ZRANB3: variants seen among roughly 807,000 people sequenced by gnomAD.
ZRANB3 encodes zinc finger RANBP2-type containing 3.
A neutral mutation model predicts 133.8 loss-of-function variants in ZRANB3; 125 were observed. The observed-to-expected ratio is 0.93, with a 90% CI of 0.81 to 1.08. The LOEUF is 1.08. ZRANB3 is among the 50% of genes least tolerant of loss of function. The pLI, the probability that ZRANB3 is intolerant of heterozygous loss-of-function variation, is 0.00. For missense variants in ZRANB3, 1,229 were observed against 1,275.5 expected (o/e 0.96, Z 0.56); for synonymous variants, 387 against 432.7 (o/e 0.89, Z 1.31).
chr2:135,475,701 G>T (rs1018329616), intron 2 of ZRANB3, among the ~76,000 whole-genome samples: 1 of 152,120 alleles, frequency 6.6e-6, no homozygotes, highest in Non-Finnish European at 1.5e-5. Flanking sequence ...TTATTTTGGG[G>T]ATTCACAAAA....
chr2:135,429,467 T>G (rs1318120957), intron 2 of ZRANB3, among the ~76,000 whole-genome samples: 1 of 152,102 alleles, frequency 6.6e-6, no homozygotes, highest in Non-Finnish European at 1.5e-5. Flanking sequence ...CATACCCCCA[T>G]GGCACACAAT....
intron 12 of ZRANB3, among the ~76,000 whole-genome samples, chr2:135,259,444 C>T (rs965622069): frequency 6.6e-6 from 1 of 151,324 alleles, no homozygotes; most frequent in Middle Eastern, 3.5e-3. Context: ...GATGGAGTTT[C>T]GCTGTTGTTG....
chr2:135,234,458 T>C (rs1185951965), intron 12 of ZRANB3, among the ~76,000 whole-genome samples: 2 of 152,136 alleles, frequency 1.3e-5, no homozygotes, highest in Admixed American at 6.5e-5. Flanking sequence ...CAGACATCTA[T>C]AGAACTCTCC....
At chr2:135,344,728 G>A (rs1230898780) in intron 6 of ZRANB3, among the ~76,000 whole-genome samples, 6 of 152,056 alleles carry the variant, frequency 3.9e-5, no homozygotes, top group Non-Finnish European at 5.9e-5. Context: ...GTAACGGAGC[G>A]AGACTCCGTC....
At chr2:135,403,980 G>A (rs1310620743) in intron 2 of ZRANB3, among the ~76,000 whole-genome samples, 1 of 152,146 alleles carries the variant, frequency 6.6e-6, no homozygotes, top group Non-Finnish European at 1.5e-5. Flanking sequence ...ACCAAAGGTA[G>A]ATAAAACCAC....
chr2:135,521,901 C>T (rs1210884266), intron 1 of ZRANB3, among the ~76,000 whole-genome samples: 1 of 152,076 alleles, frequency 6.6e-6, no homozygotes, highest in African/African-American at 2.4e-5. Context: ...AAGACAGTTT[C>T]TGGGTGCCAG....
chr2:135,457,072 C>T (rs747631500), intron 2 of ZRANB3, among the ~76,000 whole-genome samples: 7 of 152,184 alleles, frequency 4.6e-5, no homozygotes, highest in African/African-American at 1.2e-4. Context: ...CGCCATCATA[C>T]AATAAGTGGC....
chr2:135,322,971 C>G (rs947046387), intron 6 of ZRANB3, among the ~76,000 whole-genome samples: 33 of 151,710 alleles, frequency 2.2e-4, no homozygotes, highest in Admixed American at 2.1e-3. Context: ...GAGCCAAGAT[C>G]GTGCCACTGC....
intron 6 of ZRANB3, among the ~76,000 whole-genome samples, chr2:135,318,792 T>TA (rs547408618): frequency 2.8e-4 from 42 of 149,740 alleles, no homozygotes; most frequent in Non-Finnish European, 4.6e-4. Flanking sequence ...AAAAGAATCT[T>TA]AAAAAAAAAA....
chr2:135,300,649 C>G (rs1338030332), intron 8 of ZRANB3, among the ~76,000 whole-genome samples: 1 of 152,130 alleles, frequency 6.6e-6, no homozygotes, highest in Non-Finnish European at 1.5e-5. Context: ...CCTTTTCCCT[C>G]CCTTCCACAT....
intron 8 of ZRANB3, among the ~76,000 whole-genome samples, chr2:135,310,977 GA>G (rs1467021074): frequency 4.0e-5 from 6 of 149,930 alleles, no homozygotes; most frequent in Admixed American, 2.7e-4. Flanking sequence ...AAAAAAGGAA[GA>G]AAAAAATTGA....
chr2:135,316,090 AAAAG>A (rs1683239202), intron 6 of ZRANB3, among the ~76,000 whole-genome samples: 3 of 152,228 alleles, frequency 2.0e-5, no homozygotes, highest in Admixed American at 2.0e-4. Context: ...GGGATAAAAT[AAAAG>A]AACACAAAAT....
intron 2 of ZRANB3, among the ~76,000 whole-genome samples, chr2:135,460,799 T>C (rs1690729843): frequency 6.6e-6 from 1 of 152,140 alleles, no homozygotes; most frequent in Non-Finnish European, 1.5e-5. Context: ...AGAAATTAAA[T>C]CAAGTATTCT....
At chr2:135,474,944 A>G (rs146098486) in intron 2 of ZRANB3, among the ~76,000 whole-genome samples, 11 of 152,276 alleles carry the variant, frequency 7.2e-5, no homozygotes, top group Admixed American at 7.2e-4. Flanking sequence ...CATTACCTTA[A>G]TCCAAAAACA....
intron 1 of ZRANB3, among the ~76,000 whole-genome samples, chr2:135,530,319 C>T (rs1410833698): frequency 6.6e-6 from 1 of 152,022 alleles, no homozygotes; most frequent in Non-Finnish European, 1.5e-5. Context: ...GTACTTTCTA[C>T]AAATTTAGCC....
intron 2 of ZRANB3, among the ~76,000 whole-genome samples, chr2:135,460,271 T>A (rs1337126873): frequency 3.3e-5 from 5 of 152,104 alleles, no homozygotes; most frequent in Non-Finnish European, 7.4e-5. Context: ...TAACTTTTTT[T>A]TTTTTTGAGA....
intron 6 of ZRANB3, among the ~76,000 whole-genome samples, chr2:135,334,604 A>C (rs1684288511): frequency 6.6e-6 from 1 of 152,000 alleles, no homozygotes. Flanking sequence ...TTTTAATTTA[A>C]TTTAATTTAG....
intron 2 of ZRANB3, among the ~76,000 whole-genome samples, chr2:135,441,452 C>A (rs1279571463): frequency 6.6e-6 from 1 of 152,038 alleles, no homozygotes; most frequent in Non-Finnish European, 1.5e-5. Flanking sequence ...TTGTTGCTGG[C>A]AGACCTTTCC....
chr2:135,214,944 G>A (rs1020788017), intron 17 of ZRANB3, among the ~76,000 whole-genome samples: 1 of 152,164 alleles, frequency 6.6e-6, no homozygotes, highest in Non-Finnish European at 1.5e-5. Context: ...TTGAGACAGG[G>A]TCTTGCTTGA....
Sources: allele counts gnomAD v4.1 joint callset (sites outside exome capture counted in the v4.1 genomes callset), GRCh38; gene constraint gnomAD v4.1.1; transcripts MANE v1.5; gene names NCBI Gene and HGNC (gene_info 2026-07-23, HGNC 2026-07-21).